The following DLST variants were observed in gnomAD, a reference collection of about 807,000 sequenced individuals.
The protein encoded by DLST is dihydrolipoamide S-succinyltransferase, also known as dihydrolipoyllysine-residue succinyltransferase component of 2-oxoglutarate dehydrogenase complex, mitochondrial.
A neutral mutation model predicts 53.1 loss-of-function variants in DLST; 17 were observed. The observed-to-expected ratio is 0.32, with a 90% confidence interval of 0.22 to 0.48. DLST has a LOEUF of 0.48. Among genes scored for constraint, DLST ranks in the 20% least tolerant of loss-of-function variants. DLST has a pLI of 0.99. For missense variants in DLST, 512 were observed against 583.9 expected (o/e 0.88, Z 1.27); for synonymous variants, 206 against 204.8 (o/e 1.01, Z -0.05).
In DLST at chr14:74,885,637, A is replaced by G; in HGVS notation, c.146+3A>G. Reference sequence around the variant, plus strand: ...TACCCTAACAGCAGGAAGGTTGTGTAAGTATCACTGGGGAGTACAGATATG... The same window carrying G: ...TACCCTAACAGCAGGAAGGTTGTGTGAGTATCACTGGGGAGTACAGATATG... On this transcript the variant is annotated splice_donor_region_variant and intron_variant, in intron 3 of 14. Coordinates refer to ENST00000334220, the MANE Select transcript of DLST (RefSeq NM_001933.5). 1 of 1,612,780 alleles carries G rather than the reference A, an allele frequency of 6.2e-7. No homozygotes were observed. Among genetic ancestry groups the G allele is most frequent in the Non-Finnish European group, 8.5e-7 (1 of 1,179,344 alleles).
intron 3 of DLST, among the ~76,000 whole-genome samples, chr14:74,888,020 A>C (rs577724516): frequency 6.6e-6 from 1 of 152,228 alleles, no homozygotes; most frequent in Non-Finnish European, 1.5e-5. Flanking sequence ...GTAAGTGTGC[A>C]ACACATAACC....
At chr14:74,901,954 T>C (rs1884258525) in intron 14 of DLST, among the ~76,000 whole-genome samples, 1 of 152,044 alleles carries the variant, frequency 6.6e-6, no homozygotes, top group Non-Finnish European at 1.5e-5. Context: ...GGGCAGAGTA[T>C]GTTTTTAAAA....
chr14:74,901,048 T>C lies in DLST; in HGVS notation c.1060-18T>C. 6 of 1,612,516 alleles carry C rather than the reference T, an allele frequency of 3.7e-6. No homozygotes were observed. Among genetic ancestry groups the C allele is most frequent in the Non-Finnish European group, 5.1e-6 (6 of 1,179,166 alleles). On this transcript the variant is annotated intron_variant, in intron 13 of 14. Coordinates refer to ENST00000334220, the MANE Select transcript of DLST (RefSeq NM_001933.5). ...AACTGGGTTGGCTTGATATTTCAATTATGAAATCTGTTTTTAGGCCCGAAA... is the reference window on the plus strand; with the variant it reads ...AACTGGGTTGGCTTGATATTTCAATCATGAAATCTGTTTTTAGGCCCGAAA...
chr14:74,899,361 G>A (rs908895645), intron 11 of DLST, among the ~76,000 whole-genome samples: 5 of 151,826 alleles, frequency 3.3e-5, no homozygotes, highest in Admixed American at 6.6e-5. Context: ...GACTTTCTGC[G>A]GAAATGATTC....
chr14:74,884,622 A>T (rs1246451137), intron 2 of DLST, among the ~76,000 whole-genome samples: 1 of 152,212 alleles, frequency 6.6e-6, no homozygotes. Flanking sequence ...TTGCTGTAGG[A>T]TGAACTCTGA....
chr14:74,902,242 G>A lies in DLST; in HGVS notation c.1274G>A (p.Arg425Gln), dbSNP rs145268695. 13 of 1,612,888 alleles carry A rather than the reference G, an allele frequency of 8.1e-6. No homozygotes were observed. Among genetic ancestry groups the A allele is most frequent in the Admixed American group, 1.7e-5 (1 of 59,878 alleles). ...TACGTGGCACTGACCTATGATCACCGGCTGATTGATGGCAGAGAGGCTGTG... is the reference window on the plus strand; with the variant it reads ...TACGTGGCACTGACCTATGATCACCAGCTGATTGATGGCAGAGAGGCTGTG... The part of the protein sequence containing the change: ...MMYVALTYDH[R>Q]LIDGREAVTF... Residue 425 changes from arginine to glutamine, a missense_variant, in exon 15 of 15, where the codon CGG becomes CAG. Physicochemically the swap from Arg to Gln is conservative, Grantham distance 43 (BLOSUM62 1). Transcript: ENST00000334220.
At chr14:74,900,177 T>A in intron 12 of DLST, 112 bp from the exon 13 acceptor site, 1 of 1,143,462 alleles carries the variant, frequency 8.7e-7, no homozygotes, top group East Asian at 2.3e-5. Flanking sequence ...TTAATCACAC[T>A]GAGTAATGAA....
rs554335489 is a variant in DLST, at chr14:74,893,941, C to G, written c.673-371C>G. 1.5e-3 allele frequency among the ~76,000 whole-genome samples: 230 copies of G among 152,328 alleles called. No individual in the cohort carries two copies. The Middle Eastern group carries it at 0.017, about 11-fold the overall frequency. On this transcript the variant is annotated intron_variant, in intron 9 of 14. Coordinates refer to ENST00000334220, the MANE Select transcript of DLST (RefSeq NM_001933.5). ...GTTTGTTGCTCATGAGGTTCTGTTCCACAAATAGCTATTCTTATGCAAATC... is the reference window on the plus strand; with the variant it reads ...GTTTGTTGCTCATGAGGTTCTGTTCGACAAATAGCTATTCTTATGCAAATC...
At chr14:74,882,522 T>C in intron 1 of DLST, 69 bp from the exon 2 acceptor site, 2 of 1,508,486 alleles carry the variant, frequency 1.3e-6, no homozygotes, top group Non-Finnish European at 9.2e-7. Flanking sequence ...TTTGAGCGTG[T>C]ACTTAAAAGA....
At chr14:74,885,245 G>A (rs745844143) in intron 2 of DLST, among the ~76,000 whole-genome samples, 2 of 152,314 alleles carry the variant, frequency 1.3e-5, no homozygotes, top group South Asian at 2.1e-4. Context: ...AAGACTTGGC[G>A]AGTAGAGACA....
At chr14:74,893,943 C>T (rs1043190019) in intron 9 of DLST, among the ~76,000 whole-genome samples, 1 of 152,210 alleles carries the variant, frequency 6.6e-6, no homozygotes, top group Non-Finnish European at 1.5e-5. Context: ...TTCTGTTCCA[C>T]AAATAGCTAT....
rs145198857 is a variant in DLST at position 74,891,165 on chromosome 14, G to C, written c.440G>C (p.Gly147Ala). ...GTPLFTLRKT[G>A]AAPAKAKPAE... ...CCACTTTTCACACTCAGGAAAACTG[G>C]TGGTAAAGAAGTTCTCCTGGTGGTC... Residue 147 changes from glycine to alanine, a missense_variant and splice_region_variant, in exon 7 of 15, where the codon GGT becomes GCT. Transcript: ENST00000334220. The C allele has an allele frequency of 6.2e-7, 1 of 1,614,114 alleles. No homozygotes were observed. Among genetic ancestry groups the C allele is most frequent in the Non-Finnish European group, 8.5e-7 (1 of 1,179,992 alleles).
chr14:74,891,188 G>A (rs748772122), intron 7 of DLST, 21 bp downstream of exon 7: 18 of 1,613,794 alleles, frequency 1.1e-5, no homozygotes, highest in Non-Finnish European at 1.4e-5. Context: ...TCTCCTGGTG[G>A]TCAAGGTCTC....
chr14:74,892,069 C>A, intron 7 of DLST: 1 of 162,134 alleles, frequency 6.2e-6, no homozygotes, highest in Non-Finnish European at 1.3e-5. Context: ...TTTCTTAAGC[C>A]TAAGTCAACC....
chr14:74,891,680 G>A, intron 7 of DLST: 1 of 984,052 alleles, frequency 1.0e-6, no homozygotes, highest in Non-Finnish European at 1.2e-6. Flanking sequence ...GGACCTGATA[G>A]GATTAGAGAT....
Position 74,902,499 on chromosome 14 carries a change from G to C in DLST, c.*169G>C. ...CAGCAGTCACAGGTCTTTTCTTGGC[G>C]TTCCTGCCAGGCTCTCCCTCTCTGC... On this transcript the variant is annotated 3_prime_UTR_variant, in exon 15 of 15. Coordinates refer to ENST00000334220, the MANE Select transcript of DLST (RefSeq NM_001933.5). The C allele has an allele frequency of 1.5e-6, 1 of 676,486 alleles. No homozygotes were observed. The highest frequency in any genetic ancestry group is 2.2e-6 in the Non-Finnish European group (1 of 445,628). The allele number at this position is 676,486 out of a possible 1,614,324, so 41.9% of individuals were successfully genotyped here. A position where few individuals can be genotyped will look rare whatever the true frequency, so the allele number is the denominator to read the frequency against.
intron 5 of DLST, 120 bp from the exon 6 acceptor site, chr14:74,889,777 T>G: frequency 1.1e-6 from 1 of 905,762 alleles, no homozygotes; most frequent in Non-Finnish European, 1.8e-6. Flanking sequence ...TCTTTACATA[T>G]GTACTTTCTG....
chr14:74,890,059 C>T (rs569370700), intron 6 of DLST, 107 bp downstream of exon 6: 3 of 737,054 alleles, frequency 4.1e-6, no homozygotes, highest in Admixed American at 2.9e-5. Flanking sequence ...TTAACTAGCT[C>T]TAACTTCAGT....
chr14:74,888,785 A>T lies in DLST; in HGVS notation c.147-310A>T, dbSNP rs149252672. Among the ~76,000 whole-genome samples the T allele has an allele frequency of 5.9e-5, 9 of 152,298 alleles. No individual in the cohort carries two copies. The East Asian group carries it at 1.7e-3, about 29-fold the overall frequency. On this transcript the variant is annotated intron_variant, in intron 3 of 14. Transcript: ENST00000334220. The stretch of plus-strand genomic sequence containing the variant: ...ACCAAGGTGCTTATTTTTTTATTGA[A>T]AGAGCCAAATGTAAGTCTGTTTTGT...
Sources: allele counts gnomAD v4.1 joint callset (sites outside exome capture counted in the v4.1 genomes callset), GRCh38; gene constraint gnomAD v4.1.1; transcripts MANE v1.5; gene names NCBI Gene and HGNC (gene_info 2026-07-23, HGNC 2026-07-21).